The following TNS3 variants were observed in gnomAD, a reference collection of about 807,000 sequenced individuals.
TNS3 encodes tensin 3, also known as tensin-3.
TNS3 carries 45 observed loss-of-function variants against 140.9 expected under a neutral mutation model. That is an observed-to-expected ratio of 0.32 (90% confidence interval 0.25 to 0.41). The LOEUF (loss-of-function observed/expected upper bound fraction) is 0.41. Ranked by LOEUF, TNS3 falls within the 10% of genes least tolerant of loss-of-function variation. The pLI, the probability that TNS3 is intolerant of heterozygous loss-of-function variation, is 1.00. For missense variants in TNS3, 1,716 were observed against 1,906.7 expected (o/e 0.90, Z 1.86); for synonymous variants, 815 against 788.4 (o/e 1.03, Z -0.56).
intron 22 of TNS3, 62 bp from the exon 23 acceptor site, chr7:47,302,334 T>G (rs1786455031): frequency 2.3e-6 from 3 of 1,324,338 alleles, no homozygotes; most frequent in Non-Finnish European, 2.2e-6. Flanking sequence ...CAACCTCTCA[T>G]CTGCTGTGAT....
At chr7:47,538,433 T>A (rs1269409499) in intron 1 of TNS3, among the ~76,000 whole-genome samples, 1 of 152,154 alleles carries the variant, frequency 6.6e-6, no homozygotes, top group Non-Finnish European at 1.5e-5. Context: ...AGGCCCAGCC[T>A]AGGAGCAGTG....
chr7:47,435,431 G>T (rs77406116), intron 7 of TNS3, 27 bp from the exon 8 acceptor site: 2 of 1,610,582 alleles, frequency 1.2e-6, no homozygotes, highest in Admixed American at 1.7e-5. Context: ...GAGCTTCCTC[G>T]GTTTCCATTT....
intron 8 of TNS3, among the ~76,000 whole-genome samples, chr7:47,434,361 T>G (rs1432593488): frequency 6.6e-6 from 1 of 151,938 alleles, no homozygotes; most frequent in African/African-American, 2.4e-5. Flanking sequence ...CCTAGATACT[T>G]TGATGGTCCT....
chr7:47,361,424 T>A (rs896832274), intron 17 of TNS3, among the ~76,000 whole-genome samples: 8 of 152,106 alleles, frequency 5.3e-5, no homozygotes, highest in Admixed American at 3.3e-4. Context: ...TAAGGATCCC[T>A]CTGCCTCACA....
intron 16 of TNS3, among the ~76,000 whole-genome samples, chr7:47,377,054 C>T (rs778760543): frequency 6.6e-6 from 1 of 152,130 alleles, no homozygotes; most frequent in Non-Finnish European, 1.5e-5. Context: ...CCTGGACCAC[C>T]ACAGGGAACA....
chr7:47,409,673 T>C (rs909530141), intron 13 of TNS3, among the ~76,000 whole-genome samples: 1 of 150,734 alleles, frequency 6.6e-6, no homozygotes, highest in African/African-American at 2.5e-5. Flanking sequence ...TTTTTTTACC[T>C]CTGAGACGGA....
At chr7:47,543,548 C>T (rs1009181222) in intron 1 of TNS3, among the ~76,000 whole-genome samples, 1 of 152,226 alleles carries the variant, frequency 6.6e-6, no homozygotes, top group Non-Finnish European at 1.5e-5. Context: ...ATCAAAGATG[C>T]CATTTGTGAA....
intron 20 of TNS3, among the ~76,000 whole-genome samples, chr7:47,342,540 C>T (rs1789079216): frequency 6.6e-6 from 1 of 152,194 alleles, no homozygotes; most frequent in Non-Finnish European, 1.5e-5. Context: ...GACTGTGAGA[C>T]TTTCCATGTG....
intron 20 of TNS3, among the ~76,000 whole-genome samples, chr7:47,307,846 C>A (rs1265892764): frequency 1.3e-5 from 2 of 152,066 alleles, no homozygotes; most frequent in Non-Finnish European, 2.9e-5. Context: ...ATTTTAGATG[C>A]AAGTCCCTTA....
At chr7:47,375,664 A>G (rs1791337562) in intron 16 of TNS3, among the ~76,000 whole-genome samples, 1 of 152,232 alleles carries the variant, frequency 6.6e-6, no homozygotes, top group Non-Finnish European at 1.5e-5. Context: ...GACCAAAAAA[A>G]TATATGAAAA....
At chr7:47,409,751 G>A (rs1393951182) in intron 13 of TNS3, among the ~76,000 whole-genome samples, 2 of 152,114 alleles carry the variant, frequency 1.3e-5, no homozygotes, top group African/African-American at 4.8e-5. Flanking sequence ...TCCGCCTCCT[G>A]GGTTCATGCC....
chr7:47,371,049 C>T (rs1791043691), intron 16 of TNS3, among the ~76,000 whole-genome samples: 1 of 152,162 alleles, frequency 6.6e-6, no homozygotes, highest in Non-Finnish European at 1.5e-5. Flanking sequence ...AGGGAAAGCA[C>T]GCAGAGAAGT....
chr7:47,377,435 G>A (rs1177956319), intron 16 of TNS3, among the ~76,000 whole-genome samples: 1 of 152,170 alleles, frequency 6.6e-6, no homozygotes, highest in Admixed American at 6.5e-5. Context: ...GTGTGGTCGG[G>A]GCCAGGAGAA....
intron 18 of TNS3, among the ~76,000 whole-genome samples, chr7:47,345,458 G>T (rs964433031): frequency 2.0e-5 from 3 of 152,164 alleles, no homozygotes; most frequent in Non-Finnish European, 4.4e-5. Context: ...CAGAAAAAAG[G>T]CCGGGTGGAA....
intron 1 of TNS3, among the ~76,000 whole-genome samples, chr7:47,578,827 G>A (rs1366990651): frequency 6.6e-6 from 1 of 152,142 alleles, no homozygotes; most frequent in Admixed American, 6.5e-5. Flanking sequence ...GTTCCTGCCC[G>A]AGCTGCACTC....
intron 1 of TNS3, among the ~76,000 whole-genome samples, chr7:47,562,482 G>A (rs1800338223): frequency 6.6e-6 from 1 of 151,510 alleles, no homozygotes; most frequent in Admixed American, 6.6e-5. Context: ...CGCCTCCCGG[G>A]TTCAAGCGAT....
chr7:47,323,478 T>A (rs1787863837), intron 20 of TNS3, among the ~76,000 whole-genome samples: 1 of 152,238 alleles, frequency 6.6e-6, no homozygotes, highest in African/African-American at 2.4e-5. Context: ...AAAGGAAATT[T>A]TCTAAACAGA....
At chr7:47,480,005 G>C (rs977748908) in intron 4 of TNS3, among the ~76,000 whole-genome samples, 17 of 152,334 alleles carry the variant, frequency 1.1e-4, no homozygotes, top group Non-Finnish European at 1.9e-4. Context: ...CAAGGGCAAG[G>C]CCCAGCCACT....
At chr7:47,441,877 A>G in intron 5 of TNS3, 126 bp downstream of exon 5, 1 of 710,408 alleles carries the variant, frequency 1.4e-6, no homozygotes, top group African/African-American at 1.8e-5. Flanking sequence ...TTGATTGGCA[A>G]TGTTTACAAC....
Sources: gnomAD v4.1 joint callset for allele counts (sites outside exome capture counted in the v4.1 genomes callset) on GRCh38, gnomAD v4.1.1 for gene constraint, MANE v1.5 for transcripts, NCBI Gene and HGNC (gene_info 2026-07-23, HGNC 2026-07-21) for gene names.